The following PRKCB variants were observed in gnomAD, a reference collection of about 807,000 sequenced individuals.
PRKCB encodes the protein protein kinase C beta type.
In PRKCB, 13 loss-of-function variants were observed where a neutral mutation model predicts 81.5. The ratio of observed to expected loss-of-function variants is 0.16; its 90% CI spans 0.10 to 0.25. The LOEUF is 0.25. Ranked by LOEUF, PRKCB falls within the 10% of genes least tolerant of loss-of-function variation. The pLI is 1.00. For missense variants in PRKCB, 509 were observed against 875.7 expected (o/e 0.58, Z 5.29); for synonymous variants, 335 against 321.4 (o/e 1.04, Z -0.45).
chr16:23,970,917 AG>A, intron 2 of PRKCB, among the ~76,000 whole-genome samples: 1 of 152,266 alleles, frequency 6.6e-6, no homozygotes, highest in African/African-American at 2.4e-5. Context: ...CTCTCCTCTG[AG>A]GGAGGCAGTA....
chr16:23,862,739 C>G (rs1238743516), intron 2 of PRKCB, among the ~76,000 whole-genome samples: 2 of 152,024 alleles, frequency 1.3e-5, no homozygotes, highest in Non-Finnish European at 2.9e-5. Context: ...AGTCATTTCC[C>G]CAATTGTCAG....
intron 2 of PRKCB, among the ~76,000 whole-genome samples, chr16:23,949,679 C>G (rs996339553): frequency 6.6e-6 from 1 of 152,220 alleles, no homozygotes; most frequent in Non-Finnish European, 1.5e-5. Flanking sequence ...ACTAGCCAGA[C>G]AAGCTGTCAT....
intron 12 of PRKCB, among the ~76,000 whole-genome samples, chr16:24,178,017 A>G (rs1159740245): frequency 4.6e-5 from 7 of 152,222 alleles, no homozygotes; most frequent in Admixed American, 3.9e-4. Flanking sequence ...GTATGGTTTT[A>G]TCATTTCACA....
At chr16:24,041,985 G>GA (rs111410896) in intron 5 of PRKCB, among the ~76,000 whole-genome samples, 23,905 of 104,122 alleles carry the variant, frequency 0.23, 2,170 homozygotes, top group Middle Eastern at 0.39. Flanking sequence ...CTCCATCTTG[G>GA]AAAAAAAAAA....
At chr16:23,950,317 C>G (rs893342647) in intron 2 of PRKCB, among the ~76,000 whole-genome samples, 2 of 152,078 alleles carry the variant, frequency 1.3e-5, no homozygotes, top group African/African-American at 2.4e-5. Flanking sequence ...GGTCCTCCCA[C>G]TCCCCAACTG....
At chr16:23,925,413 G>C (rs1240021511) in intron 2 of PRKCB, among the ~76,000 whole-genome samples, 1 of 151,936 alleles carries the variant, frequency 6.6e-6, no homozygotes, top group East Asian at 1.9e-4. Flanking sequence ...CTCTCTTCCT[G>C]GACGTGACCC....
intron 2 of PRKCB, among the ~76,000 whole-genome samples, chr16:23,875,878 T>A (rs1229947903): frequency 1.3e-5 from 2 of 152,184 alleles, no homozygotes; most frequent in Non-Finnish European, 2.9e-5. Context: ...GTATTAGGTA[T>A]CTTTTGAAAA....
Position 24,092,782 on chromosome 16 carries a change from C to A in PRKCB, c.530-9C>A. 6.2e-7 allele frequency: 1 copy of A among 1,610,388 alleles called. No homozygotes were observed. Among genetic ancestry groups the A allele is most frequent in the Middle Eastern group, 1.7e-4 (1 of 6,026 alleles). ...AGTATTAATGCAAAAACTGCTTTTT[C>A]TTTTTCAGTAAGAGATGCTAAAAAC... On this transcript the variant is annotated splice_polypyrimidine_tract_variant and intron_variant, in intron 5 of 16. Transcript: ENST00000643927.
At chr16:24,140,826 A>G (rs989407292) in intron 9 of PRKCB, among the ~76,000 whole-genome samples, 1 of 152,166 alleles carries the variant, frequency 6.6e-6, no homozygotes, top group African/African-American at 2.4e-5. Context: ...GGCTCCTTTC[A>G]TCCTCCTAAC....
intron 8 of PRKCB, among the ~76,000 whole-genome samples, chr16:24,121,234 C>A (rs1966795550): frequency 6.6e-6 from 1 of 152,198 alleles, no homozygotes; most frequent in African/African-American, 2.4e-5. Context: ...CCCAACATAC[C>A]TTTTGGACAC....
At chr16:24,120,248 C>T (rs1032363023) in intron 8 of PRKCB, among the ~76,000 whole-genome samples, 2 of 152,034 alleles carry the variant, frequency 1.3e-5, no homozygotes, top group Admixed American at 1.3e-4. Context: ...AAATGTTCCG[C>T]GTCTTGTTTG....
At chr16:24,185,706 A>T in intron 15 of PRKCB, 139 bp downstream of exon 15, 1 of 696,338 alleles carries the variant, frequency 1.4e-6, no homozygotes, top group Non-Finnish European at 2.5e-6. Flanking sequence ...GAGAACCCTG[A>T]TGTGGAGCTG....
intron 2 of PRKCB, among the ~76,000 whole-genome samples, chr16:23,986,864 T>G (rs1964810388): frequency 6.6e-6 from 1 of 152,208 alleles, no homozygotes; most frequent in African/African-American, 2.4e-5. Context: ...TTTTCATCTG[T>G]AATCCTCCCC....
rs565332746 is a variant in PRKCB at position 24,201,905 on chromosome 16, G to A, written c.1863+10675G>A. On this transcript the variant is annotated intron_variant, in intron 16 of 16. Coordinates refer to ENST00000643927, the MANE Select transcript of PRKCB (RefSeq NM_002738.7). ...CAAAAAATTAGCTGGGCGCGGTGGCGGGCACCTGTAGTCCCAGCTACTCGG... is the reference window on the plus strand; with the variant it reads ...CAAAAAATTAGCTGGGCGCGGTGGCAGGCACCTGTAGTCCCAGCTACTCGG... Among the ~76,000 whole-genome samples, 31 of 152,024 alleles carry A rather than the reference G, an allele frequency of 2.0e-4. No individual in the cohort carries two copies. The South Asian group carries it at 4.8e-3, about 23-fold the overall frequency.
At chr16:24,110,352 C>T (rs567340769) in intron 7 of PRKCB, among the ~76,000 whole-genome samples, 28 of 151,846 alleles carry the variant, frequency 1.8e-4, no homozygotes, top group South Asian at 1.2e-3. Context: ...GCTGGGACTA[C>T]GGGCGCGTGC....
chr16:24,031,328 G>C (rs1383730753), intron 3 of PRKCB, among the ~76,000 whole-genome samples: 1 of 152,216 alleles, frequency 6.6e-6, no homozygotes, highest in Non-Finnish European at 1.5e-5. Flanking sequence ...GGGTGGCTTT[G>C]TCCTTTCCAC....
At position 24,218,801 on chromosome 16, in the gene PRKCB, C is replaced by T; in HGVS notation, c.*3985C>T. The T allele has an allele frequency of 1.0e-6, 1 of 985,422 alleles. No homozygotes were observed. Among genetic ancestry groups the T allele is most frequent in the Non-Finnish European group, 1.2e-6 (1 of 829,968 alleles). The allele number at this position is 985,422 out of a possible 1,614,324, so 61.0% of individuals were successfully genotyped here. A position where few individuals can be genotyped will look rare whatever the true frequency, so the allele number is the denominator to read the frequency against. On this transcript the variant is annotated 3_prime_UTR_variant, in exon 17 of 17. Coordinates refer to ENST00000643927, the MANE Select transcript of PRKCB (RefSeq NM_002738.7). ...GGCTGCAGCCCGGGAATGTGCAGGGCACTAGGGAATACAAGGCCTTCTTCC... is the reference window on the plus strand; with the variant it reads ...GGCTGCAGCCCGGGAATGTGCAGGGTACTAGGGAATACAAGGCCTTCTTCC...
At chr16:24,113,316 GTCTTGCTTTCTT>G (rs1231185758) in intron 8 of PRKCB, among the ~76,000 whole-genome samples, 2 of 131,434 alleles carry the variant, frequency 1.5e-5, no homozygotes, top group Non-Finnish European at 3.1e-5. Context: ...CTTCCTTTCT[GTCTTGCTTTCTT>G]TCTTGCTTGC....
chr16:23,924,681 T>C (rs1454721942), intron 2 of PRKCB, among the ~76,000 whole-genome samples: 1 of 152,102 alleles, frequency 6.6e-6, no homozygotes, highest in Non-Finnish European at 1.5e-5. Flanking sequence ...GCTCCACGTA[T>C]ACCATGGTGA....
Sources: allele counts gnomAD v4.1 joint callset (sites outside exome capture counted in the v4.1 genomes callset), GRCh38; gene constraint gnomAD v4.1.1; transcripts MANE v1.5; gene names NCBI Gene and HGNC (gene_info 2026-07-23, HGNC 2026-07-21).